The following SH3RF3 variants were observed in gnomAD, a reference collection of about 807,000 sequenced individuals.
The protein encoded by SH3RF3 is E3 ubiquitin-protein ligase SH3RF3.
SH3RF3 carries 29 observed loss-of-function variants against 66.3 expected under a neutral mutation model. The ratio of observed to expected loss-of-function variants is 0.44; its 90% CI spans 0.33 to 0.60. SH3RF3 has a LOEUF of 0.60. Ranked by LOEUF, SH3RF3 falls within the 20% of genes least tolerant of loss-of-function variation. SH3RF3 has a pLI of 0.04. For synonymous variants in SH3RF3, 583 were observed against 532.0 expected (o/e 1.10, Z -1.32); for missense variants, 1,194 against 1,190.9 (o/e 1.00, Z -0.04).
intron 1 of SH3RF3, among the ~76,000 whole-genome samples, chr2:109,188,845 T>C (rs1187782495): frequency 6.6e-6 from 1 of 152,178 alleles, no homozygotes; most frequent in African/African-American, 2.4e-5. Context: ...TGCTTCTCTC[T>C]GTGCAGTTGC....
intron 2 of SH3RF3, among the ~76,000 whole-genome samples, chr2:109,348,649 G>A (rs781493206): frequency 2.0e-5 from 3 of 152,200 alleles, no homozygotes; most frequent in Non-Finnish European, 2.9e-5. Context: ...GGTTCCAGGG[G>A]AAGTAGTTGG....
intron 1 of SH3RF3, among the ~76,000 whole-genome samples, chr2:109,331,275 G>A (rs1423335575): frequency 1.3e-5 from 2 of 152,132 alleles, no homozygotes; most frequent in Non-Finnish European, 2.9e-5. Context: ...CTGGGTGCCA[G>A]AGCAAGATTC....
intron 1 of SH3RF3, among the ~76,000 whole-genome samples, chr2:109,272,348 A>T (rs995567324): frequency 6.6e-6 from 1 of 152,216 alleles, no homozygotes; most frequent in African/African-American, 2.4e-5. Flanking sequence ...CTTTTGAAGG[A>T]TGGAACCCTG....
intron 2 of SH3RF3, among the ~76,000 whole-genome samples, chr2:109,370,119 G>A (rs1310592222): frequency 4.6e-5 from 7 of 152,208 alleles, no homozygotes; most frequent in Admixed American, 6.5e-5. Flanking sequence ...GGATGGTTCC[G>A]GAGAAGGGAA....
At chr2:109,404,357 G>A (rs984567431) in intron 4 of SH3RF3, among the ~76,000 whole-genome samples, 1 of 152,222 alleles carries the variant, frequency 6.6e-6, no homozygotes, top group African/African-American at 2.4e-5. Flanking sequence ...GAGGCCTGGC[G>A]GGGAGTGGGG....
chr2:109,484,749 G>T (rs553668880), intron 8 of SH3RF3, among the ~76,000 whole-genome samples: 3 of 152,124 alleles, frequency 2.0e-5, no homozygotes, highest in African/African-American at 2.4e-5. Context: ...GTACTGCCCT[G>T]TCTCCCTCTG....
At chr2:109,275,998 T>G (rs1224384604) in intron 1 of SH3RF3, among the ~76,000 whole-genome samples, 1 of 152,092 alleles carries the variant, frequency 6.6e-6, no homozygotes, top group Non-Finnish European at 1.5e-5. Flanking sequence ...CATGCCCCCA[T>G]TTGGTCTCCA....
chr2:109,181,369 G>A (rs1157802599), intron 1 of SH3RF3, among the ~76,000 whole-genome samples: 1 of 152,126 alleles, frequency 6.6e-6, no homozygotes, highest in African/African-American at 2.4e-5. Flanking sequence ...GTTTTACCAG[G>A]GTTTCAGCAG....
chr2:109,279,853 T>C (rs1310903331), intron 1 of SH3RF3, among the ~76,000 whole-genome samples: 1 of 151,602 alleles, frequency 6.6e-6, no homozygotes, highest in Non-Finnish European at 1.5e-5. Flanking sequence ...GCCTGCCCTG[T>C]AGCGAGGCTT....
At chr2:109,469,235 G>A (rs1678439970) in intron 8 of SH3RF3, among the ~76,000 whole-genome samples, 1 of 152,242 alleles carries the variant, frequency 6.6e-6, no homozygotes, top group South Asian at 2.1e-4. Context: ...ATTCCTGGAT[G>A]AGTGAGAATT....
At position 109,381,556 on chromosome 2, in the gene SH3RF3, C is replaced by T. The variant is rs146430950; in HGVS notation, c.945+9875C>T. Reference sequence around the variant, plus strand: ...ACGGTGCCCTGACTCAGCTTCCAGTCCCCCGGGCTTCCATGTTCTTGTCTT... The same window carrying T: ...ACGGTGCCCTGACTCAGCTTCCAGTTCCCCGGGCTTCCATGTTCTTGTCTT... On this transcript the variant is annotated intron_variant, in intron 3 of 9. Transcript: ENST00000309415. 2.6e-5 allele frequency among the ~76,000 whole-genome samples: 4 copies of T among 152,156 alleles called. No homozygotes were observed. In the East Asian group the frequency reaches 7.8e-4, roughly 30 times the overall value.
intron 1 of SH3RF3, among the ~76,000 whole-genome samples, chr2:109,221,671 T>G (rs1314476685): frequency 6.6e-6 from 1 of 152,126 alleles, no homozygotes; most frequent in African/African-American, 2.4e-5. Flanking sequence ...TTTCTGTGTC[T>G]TTTGAGAAAT....
At chr2:109,451,863 T>C (rs1295846601) in intron 8 of SH3RF3, among the ~76,000 whole-genome samples, 1 of 152,228 alleles carries the variant, frequency 6.6e-6, no homozygotes, top group Non-Finnish European at 1.5e-5. Flanking sequence ...TAGGCCACGC[T>C]TGGGGCTGGA....
At chr2:109,223,461 T>G (rs1679302977) in intron 1 of SH3RF3, among the ~76,000 whole-genome samples, 1 of 152,174 alleles carries the variant, frequency 6.6e-6, no homozygotes, top group South Asian at 2.1e-4. Flanking sequence ...TTGTCCCCCT[T>G]TGGGAGTGGG....
chr2:109,133,751 C>T (rs533147481), intron 1 of SH3RF3, among the ~76,000 whole-genome samples: 144 of 139,128 alleles, frequency 1.0e-3, no homozygotes, highest in Non-Finnish European at 1.9e-3. Flanking sequence ...TGCACTCAAA[C>T]TTCTTTCCCT....
At chr2:109,136,515 G>T (rs1676818642) in intron 1 of SH3RF3, among the ~76,000 whole-genome samples, 1 of 152,188 alleles carries the variant, frequency 6.6e-6, no homozygotes, top group African/African-American at 2.4e-5. Flanking sequence ...GAATGAAAAA[G>T]TGTATAAAGT....
chr2:109,163,651 G>A (rs1276818531), intron 1 of SH3RF3, among the ~76,000 whole-genome samples: 2 of 151,866 alleles, frequency 1.3e-5, no homozygotes, highest in African/African-American at 2.4e-5. Flanking sequence ...CGCCCGCCTC[G>A]GCCTCCCAAA....
chr2:109,130,852 A>G (rs1325438187), intron 1 of SH3RF3, among the ~76,000 whole-genome samples: 2 of 152,210 alleles, frequency 1.3e-5, no homozygotes, highest in East Asian at 3.9e-4. Flanking sequence ...GATGGCTTCA[A>G]TGATTTGGTT....
At chr2:109,316,092 A>G (rs772952513) in intron 1 of SH3RF3, among the ~76,000 whole-genome samples, 13 of 152,200 alleles carry the variant, frequency 8.5e-5, no homozygotes, top group South Asian at 2.1e-4. Flanking sequence ...CCAGTATGCA[A>G]TTGTAAAGCA....
Sources: gnomAD v4.1 joint callset for allele counts (sites outside exome capture counted in the v4.1 genomes callset) on GRCh38, gnomAD v4.1.1 for gene constraint, MANE v1.5 for transcripts, NCBI Gene and HGNC (gene_info 2026-07-23, HGNC 2026-07-21) for gene names.